Variants in TRIM54 observed in about 807,000 individuals in gnomAD.
The protein encoded by TRIM54 is tripartite motif containing 54, also known as tripartite motif-containing protein 54.
Under a neutral mutation model 42.0 loss-of-function variants are expected in TRIM54, and 40 were observed. The observed-to-expected ratio is 0.95, with a 90% CI of 0.74 to 1.24. The LOEUF (loss-of-function observed/expected upper bound fraction) is 1.24, where lower values mean the gene tolerates loss of function less well. Ranked by LOEUF, TRIM54 falls within the 50% of genes most tolerant of loss-of-function variation. The probability of loss-of-function intolerance (pLI) is 0.00; values close to 1 mark genes in which losing one functional copy is unlikely to be tolerated. For missense variants in TRIM54, 485 were observed against 480.3 expected, an observed-to-expected ratio of 1.01 and a Z score of -0.09; for synonymous variants, 199 against 194.9, an observed-to-expected ratio of 1.02 and a Z score of -0.17.
intron 4 of TRIM54, chr2:27,305,366 A>G (rs1045401360): frequency 3.4e-6 from 2 of 590,102 alleles, no homozygotes; most frequent in Non-Finnish European, 6.0e-6. Context: ...GCAAATAAAA[A>G]CCAGGGCTAG....
intron 1 of TRIM54, among the ~76,000 whole-genome samples, chr2:27,297,980 C>CAAAAA (rs60106105): frequency 5.6e-4 from 32 of 56,786 alleles, no homozygotes; most frequent in Admixed American, 1.1e-3. Flanking sequence ...GAACCTGTCT[C>CAAAAA]AAAAAAAAAA....
chr2:27,301,226 G>A (rs1329116820), intron 3 of TRIM54, among the ~76,000 whole-genome samples: 2 of 139,984 alleles, frequency 1.4e-5, no homozygotes, highest in Non-Finnish European at 3.0e-5. Flanking sequence ...TACAACCTCC[G>A]CCTCCCAGAT....
chr2:27,283,784 GCACACACACACACA>G (rs3073589), intron 1 of TRIM54, among the ~76,000 whole-genome samples: 2 of 132,168 alleles, frequency 1.5e-5, no homozygotes, highest in Admixed American at 7.6e-5. Flanking sequence ...ACACACGCGC[GCACACACACACACA>G]CACACACACA....
At chr2:27,296,791 C>T (rs959639684) in intron 1 of TRIM54, among the ~76,000 whole-genome samples, 12 of 152,188 alleles carry the variant, frequency 7.9e-5, no homozygotes, top group Non-Finnish European at 1.6e-4. Flanking sequence ...TGGAGTTTCC[C>T]TCTGTTGCCC....
chr2:27,285,928 C>A (rs1678545032), intron 1 of TRIM54, among the ~76,000 whole-genome samples: 2 of 151,916 alleles, frequency 1.3e-5, no homozygotes, highest in South Asian at 4.1e-4. Context: ...AATTTGAAAA[C>A]AATTTATTTA....
At chr2:27,301,392 G>A (rs1679032133) in intron 3 of TRIM54, among the ~76,000 whole-genome samples, 1 of 152,132 alleles carries the variant, frequency 6.6e-6, no homozygotes, top group African/African-American at 2.4e-5. Context: ...CACTCTCCTT[G>A]GCCTCCCAAA....
At chr2:27,288,581 C>G (rs983001600) in intron 1 of TRIM54, among the ~76,000 whole-genome samples, 14 of 152,170 alleles carry the variant, frequency 9.2e-5, no homozygotes, top group African/African-American at 3.1e-4. Context: ...ATTTCGTACC[C>G]TGTGGTTCTG....
At chr2:27,286,851 A>G (rs895574865) in intron 1 of TRIM54, among the ~76,000 whole-genome samples, 2 of 152,208 alleles carry the variant, frequency 1.3e-5, no homozygotes, top group African/African-American at 4.8e-5. Flanking sequence ...TGTTAGGACC[A>G]GGTGTCATCA....
intron 1 of TRIM54, among the ~76,000 whole-genome samples, chr2:27,284,689 T>C (rs965983799): frequency 8.5e-5 from 13 of 152,126 alleles, no homozygotes; most frequent in African/African-American, 2.4e-4. Context: ...AGGAGGGAAA[T>C]GGCAGAAAGA....
rs1679234274 is a variant in TRIM54, at chr2:27,306,867, G to C, written c.*2-20G>C. 4.5e-6 allele frequency: 2 copies of C among 441,256 alleles called. No individual in the cohort carries two copies. Among genetic ancestry groups the C allele is most frequent in the Non-Finnish European group, 8.1e-6 (2 of 246,074 alleles). 27.3% of individuals were successfully genotyped at this position (441,256 alleles called of 1,614,324 possible). ...TGCCTTCGCAGCACCCGCCCACCGA[G>C]CCTTCTTTCCCGGGCACAGGCCTGC... On this transcript the variant is annotated intron_variant, in intron 8 of 8. Transcript: ENST00000380075. This position sits in a 1 kb window ranked among gnomAD's most constrained non-coding sequence, Gnocchi z 6.1.
intron 1 of TRIM54, among the ~76,000 whole-genome samples, chr2:27,292,905 A>G (rs144932492): frequency 3.9e-5 from 6 of 152,278 alleles, no homozygotes; most frequent in African/African-American, 9.6e-5. Context: ...ATTGCAATCT[A>G]TGTGACTTTT....
chr2:27,298,216 C>CA (rs1487523549), intron 1 of TRIM54, among the ~76,000 whole-genome samples: 3 of 152,136 alleles, frequency 2.0e-5, no homozygotes, highest in Non-Finnish European at 4.4e-5. Context: ...TCGCACCACT[C>CA]AGAGTTCATT....
rs747931006 is a variant in TRIM54 at position 27,306,524 on chromosome 2, C to T, written c.1060C>T (p.Arg354Trp). ...EEGSAGPEEE[R>W]PDGP ...GGGCAGCGCGGGGCCGGAGGAAGAG[C>T]GGCCGGATGGGCCTTAAGGTGAGAG... The change falls in exon 8 of 9, where the codon CGG becomes TGG. Residue 354 changes from arginine (R) to tryptophan (W), a missense_variant. Arg to Trp is a moderately radical substitution (Grantham distance 101). Transcript: ENST00000380075. This position sits in a 1 kb window ranked among gnomAD's most constrained non-coding sequence, Gnocchi z 6.1. 3.8e-6 allele frequency: 6 copies of T among 1,558,866 alleles called. No homozygotes were observed. The highest frequency in any genetic ancestry group is 5.2e-6 in the Non-Finnish European group (6 of 1,151,448).
At chr2:27,289,635 G>T (rs570337796) in intron 1 of TRIM54, among the ~76,000 whole-genome samples, 2 of 152,028 alleles carry the variant, frequency 1.3e-5, no homozygotes, top group African/African-American at 4.8e-5. Flanking sequence ...CTCTTTTTAT[G>T]TGTAAAGGAT....
intron 1 of TRIM54, among the ~76,000 whole-genome samples, chr2:27,290,498 TCTA>T (rs1558583926): frequency 6.6e-6 from 1 of 152,066 alleles, no homozygotes; most frequent in Non-Finnish European, 1.5e-5. Flanking sequence ...AAACCCCGTC[TCTA>T]CTAAAAATCA....
At position 27,307,324 on chromosome 2, in the gene TRIM54, C is replaced by A. The variant is rs1679255008; in HGVS notation, c.*439C>A. ...CCCCCACAGCATTTTGTTCCCCTCC[C>A]GCTGGCCCGGGGGCCCCACCTTCCC... On this transcript the variant is annotated 3_prime_UTR_variant, in exon 9 of 9. Transcript: ENST00000380075. This position sits in a 1 kb window ranked among gnomAD's most constrained non-coding sequence, Gnocchi z 6.9. 4.4e-6 allele frequency: 4 copies of A among 905,346 alleles called. No individual in the cohort carries two copies. The South Asian group carries it at 5.3e-5, about 12-fold the overall frequency. 56.1% of individuals were successfully genotyped at this position (905,346 alleles called of 1,614,324 possible). A position where few individuals can be genotyped will look rare whatever the true frequency, so the allele number is the denominator to read the frequency against.
At position 27,296,522 on chromosome 2, in the gene TRIM54, G is replaced by A. The variant is rs116410874; in HGVS notation, c.169-2045G>A. On this transcript the variant is annotated intron_variant, in intron 1 of 8. Coordinates refer to ENST00000380075, the MANE Select transcript of TRIM54 (RefSeq NM_187841.3). ...CTCATCAGAGACCTCCTTTCATCTC[G>A]TTACCATTCTCAACATGTGGCTGCC... 3.8e-3 allele frequency among the ~76,000 whole-genome samples: 580 copies of A among 152,246 alleles called. 2 individuals are homozygous for A. The highest frequency in any genetic ancestry group is 0.014 in the African/African-American group (565 of 41,544).
rs771987870 is a variant in TRIM54 at position 27,306,353 on chromosome 2, G to A, written c.991+16G>A. 7.9e-5 allele frequency: 127 copies of A among 1,613,876 alleles called. 2 individuals carry two copies. In the Admixed American group the frequency reaches 2.0e-3, roughly 26 times the overall value. On this transcript the variant is annotated intron_variant, in intron 7 of 8. Coordinates refer to ENST00000380075, the MANE Select transcript of TRIM54 (RefSeq NM_187841.3). This position sits in a 1 kb window ranked among gnomAD's most constrained non-coding sequence, Gnocchi z 6.1. ...TTCCAGCCAGGTGAAGGAGGTGGCC[G>A]AGGGCCGCTGAGACGGGTTCGGACC...
intron 1 of TRIM54, among the ~76,000 whole-genome samples, chr2:27,292,985 C>G (rs887967480): frequency 3.3e-5 from 5 of 152,108 alleles, no homozygotes; most frequent in African/African-American, 1.2e-4. Flanking sequence ...GATTTCTTTC[C>G]TTAATTCTGC....
Sources: allele counts gnomAD v4.1 joint callset (sites outside exome capture counted in the v4.1 genomes callset), GRCh38; gene constraint gnomAD v4.1.1; non-coding constraint Gnocchi (gnomAD v3.1); transcripts MANE v1.5; gene names NCBI Gene and HGNC (gene_info 2026-07-23, HGNC 2026-07-21).